The following TAFA5 variants were observed in gnomAD, a reference collection of about 807,000 sequenced individuals.
The protein encoded by TAFA5 is chemokine-like protein TAFA-5.
In TAFA5, 6 loss-of-function variants were observed where a neutral mutation model predicts 15.3. That is an observed-to-expected ratio of 0.39 (90% CI 0.21 to 0.77). TAFA5 has a LOEUF of 0.77. Ranked by LOEUF, TAFA5 falls within the 30% of genes least tolerant of loss-of-function variation. TAFA5 has a pLI of 0.41. For synonymous variants in TAFA5, 103 were observed against 80.7 expected, an observed-to-expected ratio of 1.28 and a Z score of -1.48; for missense variants, 161 against 193.1, an observed-to-expected ratio of 0.83 and a Z score of 0.98.
At chr22:48,597,102 C>T (rs752981598) in intron 1 of TAFA5, among the ~76,000 whole-genome samples, 21 of 152,216 alleles carry the variant, frequency 1.4e-4, no homozygotes, top group Non-Finnish European at 2.4e-4. Context: ...TCACCACAGC[C>T]GGCCAGTTTT....
At chr22:48,551,285 C>T (rs1209144363) in intron 1 of TAFA5, among the ~76,000 whole-genome samples, 2 of 152,230 alleles carry the variant, frequency 1.3e-5, no homozygotes, top group South Asian at 2.1e-4. Context: ...CGTCTGAGCT[C>T]GGGGAGGAAA....
chr22:48,543,128 C>T (rs1285402839), intron 1 of TAFA5, among the ~76,000 whole-genome samples: 2 of 151,962 alleles, frequency 1.3e-5, no homozygotes, highest in African/African-American at 4.8e-5. Flanking sequence ...CCACGTCCTC[C>T]CCTGGCATCT....
intron 1 of TAFA5, among the ~76,000 whole-genome samples, chr22:48,615,462 C>T (rs1024897888): frequency 5.3e-5 from 8 of 152,160 alleles, no homozygotes; most frequent in African/African-American, 1.7e-4. Flanking sequence ...GGATGGGCTT[C>T]GCCTAGCTGT....
chr22:48,556,401 C>T (rs779913275), intron 1 of TAFA5, among the ~76,000 whole-genome samples: 33 of 152,296 alleles, frequency 2.2e-4, no homozygotes, highest in Non-Finnish European at 4.3e-4. Flanking sequence ...GCAGAGGCTC[C>T]CGGAATTACA....
intron 1 of TAFA5, among the ~76,000 whole-genome samples, chr22:48,547,850 G>T (rs1237034009): frequency 6.6e-6 from 1 of 152,178 alleles, no homozygotes; most frequent in Admixed American, 6.5e-5. Flanking sequence ...CATTTCACAC[G>T]TGGAGAAGGT....
intron 3 of TAFA5, among the ~76,000 whole-genome samples, chr22:48,709,648 T>G (rs1162477428): frequency 6.6e-6 from 1 of 152,188 alleles, no homozygotes; most frequent in Non-Finnish European, 1.5e-5. Flanking sequence ...CTCCTCGTGA[T>G]TTGAGGCCCA....
chr22:48,644,568 G>C (rs1051011737), intron 1 of TAFA5, among the ~76,000 whole-genome samples: 11 of 152,322 alleles, frequency 7.2e-5, no homozygotes, highest in African/African-American at 2.6e-4. Context: ...TTGGGTGTTG[G>C]GATGAGAGAG....
intron 1 of TAFA5, among the ~76,000 whole-genome samples, chr22:48,611,372 T>C (rs1925404249): frequency 6.6e-6 from 1 of 152,238 alleles, no homozygotes; most frequent in Admixed American, 6.5e-5. Flanking sequence ...TTCATTTTGT[T>C]ATTTATTAGA....
intron 2 of TAFA5, among the ~76,000 whole-genome samples, chr22:48,680,245 A>G (rs908976194): frequency 6.6e-6 from 1 of 152,188 alleles, no homozygotes; most frequent in Admixed American, 6.5e-5. Context: ...ATAACTTCCA[A>G]TTTGGGGCTC....
chr22:48,652,943 G>T (rs562648077), intron 2 of TAFA5, among the ~76,000 whole-genome samples: 6 of 152,286 alleles, frequency 3.9e-5, no homozygotes, highest in Admixed American at 1.3e-4. Flanking sequence ...TGTGGGTCCT[G>T]GCCACCCTGG....
chr22:48,551,628 G>A (rs1922858190), intron 1 of TAFA5, among the ~76,000 whole-genome samples: 1 of 152,142 alleles, frequency 6.6e-6, no homozygotes, highest in Non-Finnish European at 1.5e-5. Context: ...TTTCTTGAGG[G>A]GCCTGTGACG....
intron 1 of TAFA5, among the ~76,000 whole-genome samples, chr22:48,590,424 T>A (rs1185624377): frequency 6.6e-6 from 1 of 152,228 alleles, no homozygotes; most frequent in African/African-American, 2.4e-5. Context: ...GCAAAGGCGC[T>A]GGCTTTCCAT....
chr22:48,686,048 C>G (rs1928344293), intron 2 of TAFA5, among the ~76,000 whole-genome samples: 1 of 152,012 alleles, frequency 6.6e-6, no homozygotes, highest in Admixed American at 6.5e-5. Context: ...CCACGTGTGC[C>G]CCGGGAGTTG....
At chr22:48,502,520 ATTT>A (rs71677503) in intron 1 of TAFA5, among the ~76,000 whole-genome samples, 8 of 130,714 alleles carry the variant, frequency 6.1e-5, no homozygotes, top group Admixed American at 7.6e-5. Context: ...TCTCTTTGGA[ATTT>A]TTTTTTTTTT....
chr22:48,722,377 T>C (rs1208966092), intron 3 of TAFA5, among the ~76,000 whole-genome samples: 1 of 152,156 alleles, frequency 6.6e-6, no homozygotes, highest in East Asian at 1.9e-4. Context: ...TATGCAGTCA[T>C]AAAAAAGGAT....
intron 3 of TAFA5, 40 bp from the exon 4 acceptor site, chr22:48,749,799 T>C: frequency 6.4e-7 from 1 of 1,558,612 alleles, no homozygotes; most frequent in Non-Finnish European, 8.7e-7. Context: ...CTGGGCAGCG[T>C]CTGCAGGAGG....
intron 2 of TAFA5, among the ~76,000 whole-genome samples, chr22:48,664,500 G>C (rs1386622086): frequency 6.6e-6 from 1 of 152,174 alleles, no homozygotes; most frequent in African/African-American, 2.4e-5. Flanking sequence ...GCCCAAAATA[G>C]GTGACTATTC....
rs372701784 is a variant in TAFA5, at chr22:48,741,115, C to T, written c.391-8724C>T. On this transcript the variant is annotated intron_variant, in intron 3 of 3. Transcript: ENST00000402357. ...GTGTTCCCACCACCCTGGCTGTGGT[C>T]CTTATCCGCACAGATGGAGAAAATG... Among the ~76,000 whole-genome samples the T allele has an allele frequency of 1.5e-4, 23 of 152,310 alleles. No homozygotes were observed. The East Asian group carries it at 4.5e-3, about 30-fold the overall frequency.
At chr22:48,735,646 G>A (rs1409616698) in intron 3 of TAFA5, among the ~76,000 whole-genome samples, 4 of 152,206 alleles carry the variant, frequency 2.6e-5, no homozygotes, top group Non-Finnish European at 5.9e-5. Context: ...TCTGAAATTT[G>A]TACTCATGAT....
Sources: gnomAD v4.1 joint callset for allele counts (sites outside exome capture counted in the v4.1 genomes callset) on GRCh38, gnomAD v4.1.1 for gene constraint, MANE v1.5 for transcripts, NCBI Gene and HGNC (gene_info 2026-07-23, HGNC 2026-07-21) for gene names.